Variants in PSD observed in about 807,000 individuals in gnomAD.
The protein encoded by PSD is PH and SEC7 domain-containing protein 1.
PSD carries 32 observed loss-of-function variants against 91.6 expected under a neutral mutation model. That is an observed-to-expected ratio of 0.35 (90% CI 0.26 to 0.47). The LOEUF is 0.47. PSD is among the 20% of genes least tolerant of loss of function. PSD has a pLI of 1.00. For missense variants in PSD, 1,099 were observed against 1,373.9 expected, an observed-to-expected ratio of 0.80 and a Z score of 3.16; for synonymous variants, 532 against 569.3, an observed-to-expected ratio of 0.93 and a Z score of 0.93.
chr10:102,413,482 G>C (rs778585010), intron 5 of PSD, among the ~76,000 whole-genome samples: 1 of 152,070 alleles, frequency 6.6e-6, no homozygotes, highest in Non-Finnish European at 1.5e-5. Flanking sequence ...AGGGAAGAAA[G>C]GGCCCTCCAG....
In PSD at chr10:102,413,870, C is replaced by T. The variant is rs200978434; in HGVS notation, c.1452G>A (p.Glu484=). 1.5e-5 allele frequency: 25 copies of T among 1,614,110 alleles called. No homozygotes were observed. The East Asian group carries it at 3.1e-4, about 20-fold the overall frequency. ...ADGPWTQRGE[E]EEAEARAKLA... is the part of the protein sequence containing the mutation. ...GCTTGGCTCTGGCCTCTGCCTCCTC[C>T]TCCTCCCCTCTCTGTGTCCAAGGAC... The change falls in exon 5 of 17, where the codon GAG becomes GAA. Residue 484 remains glutamate (E), a synonymous_variant. Transcript: ENST00000020673.
chr10:102,418,085 A>G (rs1032968102), intron 1 of PSD, among the ~76,000 whole-genome samples: 13 of 150,858 alleles, frequency 8.6e-5, no homozygotes, highest in South Asian at 2.1e-4. Flanking sequence ...ACACACACAC[A>G]CACACGCACA....
Position 102,404,829 on chromosome 10 carries a change from G to A in PSD, c.2555+69C>T. The A allele has an allele frequency of 6.3e-7, 1 of 1,581,356 alleles. No individual in the cohort carries two copies. ...GCCTGAGAAGGAATGAAAAAATCCA[G>A]GGACAGGGAGGGGAGCAGGATGGGA... On this transcript the variant is annotated intron_variant, in intron 14 of 16. Transcript: ENST00000020673. The surrounding 1 kb of genome is among the most constrained non-coding windows in gnomAD (Gnocchi z 5.7).
rs768218372 is a variant in PSD at position 102,415,173 on chromosome 10, C to A, written c.814G>T (p.Gly272Cys). 6.2e-7 allele frequency: 1 copy of A among 1,613,202 alleles called. No individual in the cohort carries two copies. The highest frequency in any genetic ancestry group is 8.5e-7 in the Non-Finnish European group (1 of 1,179,924). The change falls in exon 4 of 17, where the codon GGC becomes TGC. Residue 272 changes from glycine to cysteine, a missense_variant. Gly to Cys is a radical substitution (Grantham distance 159). Coordinates refer to ENST00000020673, the MANE Select transcript of PSD (RefSeq NM_002779.5). ...PSPPGVGSRQ[G>C]SGVAVGRAAK... is the part of the protein sequence containing the mutation. ...GCTCGCCCCACAGCCACCCCAGAGC[C>A]CTGCCTTGAGCCCACCCCAGGTGGA...
Position 102,411,799 on chromosome 10 carries a change from G to T in PSD, c.1850C>A (p.Ala617Asp). Residue 617 changes from alanine (A) to aspartate (D), a missense_variant, in exon 8 of 17, where the codon GCC becomes GAC. By Grantham distance (126) the Ala-to-Asp change is moderately radical (BLOSUM62 -2). Around this residue, in one of 3 missense-constraint regions of PSD, gnomAD observed 110 missense variants for 218.7 expected, o/e 0.50. Coordinates refer to ENST00000020673, the MANE Select transcript of PSD (RefSeq NM_002779.5). ...TCGTTCCTGGGTCTCACCCATTAAG[G>T]CCAGCTCCTTCAGAAACACCCTGGA... ...QALRVFLKEL[A>D]LMGETQERER... 1 of 1,612,996 alleles carries T rather than the reference G, an allele frequency of 6.2e-7. No homozygotes were observed. The highest frequency in any genetic ancestry group is 8.5e-7 in the Non-Finnish European group (1 of 1,179,496).
Position 102,405,403 on chromosome 10 carries a change from C to T in PSD, c.2269G>A (p.Val757Ile), listed in dbSNP as rs748903816. Residue 757 changes from valine (V) to isoleucine (I), a missense_variant, in exon 12 of 17, where the codon GTC becomes ATC. This residue lies in a region of PSD where 358 missense variants were observed against 426.5 expected (regional missense o/e 0.84). Transcript: ENST00000020673. This position sits in a 1 kb window ranked among gnomAD's most constrained non-coding sequence, Gnocchi z 5.4. ...CGCACCAGGGCCCCGTGCTTGTAGA[C>T]GGCAGCCCCAGGCTCGGGAGTCAGG... ...LDLTPEPGAA[V>I]YKHGALVRKV... 1.2e-5 allele frequency: 19 copies of T among 1,613,884 alleles called. No individual in the cohort carries two copies. Among genetic ancestry groups the T allele is most frequent in the Middle Eastern group, 1.6e-4 (1 of 6,062 alleles).
At position 102,415,084 on chromosome 10, in the gene PSD, G is replaced by T. The variant is rs200453551; in HGVS notation, c.903C>A (p.Ile301=). 3 of 1,614,072 alleles carry T rather than the reference G, an allele frequency of 1.9e-6. No individual in the cohort carries two copies. Among genetic ancestry groups the T allele is most frequent in the Non-Finnish European group, 1.7e-6 (2 of 1,180,014 alleles). ...VPLRCYRETD[I]DEVLAEREEA... ...CCTCCCGCTCAGCCAGCACCTCATC[G>T]ATGTCAGTCTCGCGGTAGCACCTCA... Residue 301 remains isoleucine (I), a synonymous_variant, in exon 4 of 17, where the codon ATC becomes ATA. Transcript: ENST00000020673.
intron 10 of PSD, chr10:102,408,889 C>T (rs2061394207): frequency 5.1e-5 from 50 of 987,230 alleles, no homozygotes; most frequent in Non-Finnish European, 5.8e-5. Context: ...GCCCCAACGC[C>T]CTCACCGCCT....
rs1048008440 is a variant in PSD, at chr10:102,405,880, A to C, written c.2136-344T>G. On this transcript the variant is annotated intron_variant, in intron 11 of 16. Transcript: ENST00000020673. This position sits in a 1 kb window ranked among gnomAD's most constrained non-coding sequence, Gnocchi z 5.4. ...GGCCTGCCTCCGCTGGCTCAACCAC[A>C]TCCAGCCCCAGGCTTTGCTCACGGT... 4.4e-5 allele frequency: 10 copies of C among 229,616 alleles called. No homozygotes were observed. Among genetic ancestry groups the C allele is most frequent in the African/African-American group, 1.6e-4 (7 of 44,490 alleles). The allele number at this position is 229,616 out of a possible 1,614,324, so 14.2% of individuals were successfully genotyped here.
At chr10:102,408,728 G>C (rs954225736) in intron 10 of PSD, among the ~76,000 whole-genome samples, 8 of 152,204 alleles carry the variant, frequency 5.3e-5, no homozygotes, top group South Asian at 2.1e-4. Flanking sequence ...CTTGGCCCCA[G>C]GGTCTGTGCC....
intron 11 of PSD, among the ~76,000 whole-genome samples, chr10:102,406,599 T>C (rs7920274): frequency 1 from 151,043 of 151,706 alleles, 75,198 homozygotes; most frequent in Middle Eastern, 1. Flanking sequence ...GCTCCACCTC[T>C]CGGGTTCACA....
chr10:102,407,596 T>C (rs2135452486), intron 10 of PSD, among the ~76,000 whole-genome samples: 1 of 152,148 alleles, frequency 6.6e-6, no homozygotes, highest in Admixed American at 6.5e-5. Context: ...GCTGTCCTGC[T>C]CAGATCCTGG....
rs1404427621 is a variant in PSD at position 102,413,980 on chromosome 10, G to C, written c.1342C>G (p.Pro448Ala). ...GGTGGGTCGGGCCGGGGTGCAGGGG[G>C]TTGGGGAGGCAGCTCAAAGGTGAAG... Reference protein sequence around the residue: ...PFFTFELPPQPPAPRPDPPAP... With the variant: ...PFFTFELPPQAPAPRPDPPAP... Residue 448 changes from proline (P) to alanine (A), a missense_variant, in exon 5 of 17, where the codon CCC (proline) becomes GCC (alanine). Physicochemically the swap from Pro to Ala is conservative, Grantham distance 27 (BLOSUM62 -1). Transcript: ENST00000020673. 2.5e-6 allele frequency: 4 copies of C among 1,613,796 alleles called. No homozygotes were observed. Among genetic ancestry groups the C allele is most frequent in the Non-Finnish European group, 3.4e-6 (4 of 1,179,840 alleles).
intron 8 of PSD, 123 bp from the exon 9 acceptor site, chr10:102,411,239 G>A: frequency 3.7e-6 from 3 of 820,908 alleles, no homozygotes; most frequent in East Asian, 5.2e-5. Context: ...CCTGAACCCC[G>A]CTAGTAAACC....
At chr10:102,407,717 TG>T (rs1258295149) in intron 10 of PSD, among the ~76,000 whole-genome samples, 1 of 151,984 alleles carries the variant, frequency 6.6e-6, no homozygotes, top group Non-Finnish European at 1.5e-5. Context: ...ACATAGCATA[TG>T]GGGAAACTGC....
rs1459942134 is a variant in PSD, at chr10:102,406,570, G to T, written c.2135+653C>A. 1.3e-5 allele frequency among the ~76,000 whole-genome samples: 2 copies of T among 151,372 alleles called. 1 individual carries two copies. Among genetic ancestry groups the T allele is most frequent in the African/African-American group, 4.9e-5 (2 of 41,232 alleles). On this transcript the variant is annotated intron_variant, in intron 11 of 16. Coordinates refer to ENST00000020673, the MANE Select transcript of PSD (RefSeq NM_002779.5). ...TCACCCAGGCTGGAGTGCAGTGGCG[G>T]GATCTCGGCTCACTGCAAGCTCCAC...
In PSD at chr10:102,403,757, C is replaced by T. The variant is rs1281750778; in HGVS notation, c.2844+85G>A. 12 of 1,490,242 alleles carry T rather than the reference C, an allele frequency of 8.1e-6. No homozygotes were observed. The highest frequency in any genetic ancestry group is 5.6e-5 in the African/African-American group (4 of 72,014). The allele number at this position is 1,490,242 out of a possible 1,614,324, so 92.3% of individuals were successfully genotyped here. A position where few individuals can be genotyped will look rare whatever the true frequency, so the allele number is the denominator to read the frequency against. ...GTTAAGCAACCTGCCCAAGGACCTC[C>T]GGCCGGTTCCACTGTTAGAGTTCAT... On this transcript the variant is annotated intron_variant, in intron 16 of 16. Transcript: ENST00000020673. This position sits in a 1 kb window ranked among gnomAD's most constrained non-coding sequence, Gnocchi z 6.7.
Position 102,410,196 on chromosome 10 carries a change from G to C in PSD, c.2091+662C>G, listed in dbSNP as rs1195340644. On this transcript the variant is annotated intron_variant, in intron 10 of 16. Transcript: ENST00000020673. This position sits in a 1 kb window ranked among gnomAD's most constrained non-coding sequence, Gnocchi z 6.0. Reference sequence around the variant, plus strand: ...GGCCTCTCTAGATAAACTACCACCAGATCAGGGAGAGGAGTGAACCCACTG... The same window carrying C: ...GGCCTCTCTAGATAAACTACCACCACATCAGGGAGAGGAGTGAACCCACTG... Among the ~76,000 whole-genome samples the C allele has an allele frequency of 1.3e-5, 2 of 152,190 alleles. No individual in the cohort carries two copies. The highest frequency in any genetic ancestry group is 4.8e-5 in the African/African-American group (2 of 41,454).
Position 102,416,152 on chromosome 10 carries a change from G to T in PSD, c.655-33C>A, listed in dbSNP as rs781331933. The T allele has an allele frequency of 7.3e-6, 11 of 1,508,596 alleles. No individual in the cohort carries two copies. The allele number at this position is 1,508,596 out of a possible 1,614,324, so 93.5% of individuals were successfully genotyped here. A position where few individuals can be genotyped will look rare whatever the true frequency, so the allele number is the denominator to read the frequency against. ...AACGAGGGAGACACAGGCACCCAGA[G>T]ATAAAGCCAGACATACAAGGACACA... On this transcript the variant is annotated intron_variant, in intron 2 of 16. Coordinates refer to ENST00000020673, the MANE Select transcript of PSD (RefSeq NM_002779.5). This position sits in a 1 kb window ranked among gnomAD's most constrained non-coding sequence, Gnocchi z 6.0.
Sources: gnomAD v4.1 joint callset for allele counts (sites outside exome capture counted in the v4.1 genomes callset) on GRCh38, gnomAD v4.1.1 for gene constraint, gnomAD v4.1.1 regional missense constraint, Gnocchi (gnomAD v3.1) non-coding constraint, MANE v1.5 for transcripts, NCBI Gene and HGNC (gene_info 2026-07-23, HGNC 2026-07-21) for gene names.